Variants in SEC23A observed in about 807,000 individuals in gnomAD.
SEC23A encodes the protein SEC23 homolog A, COPII component.
A neutral mutation model predicts 103.7 loss-of-function variants in SEC23A; 56 were observed. The ratio of observed to expected loss-of-function variants is 0.54; its 90% CI spans 0.44 to 0.67. The LOEUF (loss-of-function observed/expected upper bound fraction) is 0.67. Among genes scored for constraint, SEC23A ranks in the 30% least tolerant of loss-of-function variants. The probability of loss-of-function intolerance (pLI) is 0.00; values close to 1 mark genes in which losing one functional copy is unlikely to be tolerated. For synonymous variants in SEC23A, 281 were observed against 293.0 expected (o/e 0.96, Z 0.42); for missense variants, 784 against 936.4 (o/e 0.84, Z 2.12).
chr14:39,079,268 C>T (rs1472135456), intron 7 of SEC23A, among the ~76,000 whole-genome samples: 4 of 151,642 alleles, frequency 2.6e-5, no homozygotes, highest in African/African-American at 4.8e-5. Flanking sequence ...AGAGCAACTG[C>T]GTATGATCCA....
intron 9 of SEC23A, among the ~76,000 whole-genome samples, chr14:39,073,760 C>G (rs796169191): frequency 1.8e-4 from 28 of 151,626 alleles, no homozygotes; most frequent in African/African-American, 6.5e-4. Flanking sequence ...CAGGTGCCTG[C>G]CACCACGCCC....
chr14:39,042,667 T>C (rs917709158), intron 17 of SEC23A, 119 bp downstream of exon 17: 20 of 683,322 alleles, frequency 2.9e-5, no homozygotes, highest in Non-Finnish European at 4.4e-5. Context: ...TATTATTTTA[T>C]AAAAATGGAA....
chr14:39,033,876 C>CA (rs1350241269), intron 19 of SEC23A, among the ~76,000 whole-genome samples: 1 of 152,060 alleles, frequency 6.6e-6, no homozygotes, highest in African/African-American at 2.4e-5. Flanking sequence ...AATCCATTAA[C>CA]AATGAAATTT....
In SEC23A at chr14:39,089,209, G is replaced by T. The variant is rs1421415127; in HGVS notation, c.604-2201C>A. On this transcript the variant is annotated intron_variant, in intron 5 of 19. Coordinates refer to ENST00000307712, the MANE Select transcript of SEC23A (RefSeq NM_006364.4). ...AAAAAAAAAGGAAGATGTTTTATGTGCTTCATATGCATTATATAAGTAAAA... is the reference window on the plus strand; with the variant it reads ...AAAAAAAAAGGAAGATGTTTTATGTTCTTCATATGCATTATATAAGTAAAA... Among the ~76,000 whole-genome samples, 5 of 151,010 alleles carry T rather than the reference G, an allele frequency of 3.3e-5. No homozygotes were observed. The East Asian group carries it at 9.7e-4, about 29-fold the overall frequency.
intron 17 of SEC23A, among the ~76,000 whole-genome samples, chr14:39,041,907 A>T (rs895997995): frequency 1.3e-5 from 2 of 151,190 alleles, no homozygotes; most frequent in African/African-American, 4.8e-5. Flanking sequence ...GTACTACTTC[A>T]AAGAATATTT....
At position 39,077,699 on chromosome 14, in the gene SEC23A, T is replaced by G. The variant is rs150150481; in HGVS notation, c.829-1606A>C. On this transcript the variant is annotated intron_variant, in intron 7 of 19. Coordinates refer to ENST00000307712, the MANE Select transcript of SEC23A (RefSeq NM_006364.4). ...TCAATGAAATAAGAGAAAAGTTGTTTTAGGTGGATCACTTGAGGCCAGGAG... is the reference window on the plus strand; with the variant it reads ...TCAATGAAATAAGAGAAAAGTTGTTGTAGGTGGATCACTTGAGGCCAGGAG... 2.0e-5 allele frequency among the ~76,000 whole-genome samples: 3 copies of G among 152,092 alleles called. No individual in the cohort carries two copies. In the East Asian group the frequency reaches 5.8e-4, roughly 30 times the overall value.
At chr14:39,048,285 A>C (rs144082543) in intron 15 of SEC23A, among the ~76,000 whole-genome samples, 130 of 152,356 alleles carry the variant, frequency 8.5e-4, no homozygotes, top group African/African-American at 2.9e-3. Context: ...TAAAAAGAGC[A>C]ATAAAAAAGG....
intron 12 of SEC23A, among the ~76,000 whole-genome samples, chr14:39,063,023 A>G (rs972147821): frequency 6.6e-6 from 1 of 152,212 alleles, no homozygotes; most frequent in Non-Finnish European, 1.5e-5. Flanking sequence ...GGAATTTTAA[A>G]TAACTGCATT....
At chr14:39,071,609 A>G (rs57482489) in intron 9 of SEC23A, among the ~76,000 whole-genome samples, 14,909 of 152,240 alleles carry the variant, frequency 0.098, 947 homozygotes, top group East Asian at 0.31. Context: ...TCAGGCCTGT[A>G]ATCCTAGCAC....
chr14:39,042,681 A>C (rs1885686581), intron 17 of SEC23A, 105 bp downstream of exon 17: 1 of 744,582 alleles, frequency 1.3e-6, no homozygotes, highest in African/African-American at 1.8e-5. Flanking sequence ...AATGGAAATC[A>C]AAGTTTATCA....
In SEC23A at chr14:39,075,999, GTCT is replaced by G; in HGVS notation, c.920_922del (p.Lys307del). 6.2e-7 allele frequency: 1 copy of G among 1,613,758 alleles called. No homozygotes were observed. Among genetic ancestry groups the G allele is most frequent in the Non-Finnish European group, 8.5e-7 (1 of 1,179,894 alleles). Reference sequence around the variant, plus strand: ...AATGTCATGCCACGATCTTATAGGTGTCTTCAACTCATCTCCAACCACCATTCC... The same window carrying G: ...AATGTCATGCCACGATCTTATAGGTGTCAACTCATCTCCAACCACCATTCC... On this transcript the variant is annotated inframe_deletion, in exon 8 of 20. Coordinates refer to ENST00000307712, the MANE Select transcript of SEC23A (RefSeq NM_006364.4).
chr14:39,094,346 G>A (rs12883603), intron 2 of SEC23A, among the ~76,000 whole-genome samples: 4 of 33,878 alleles, frequency 1.2e-4, no homozygotes, highest in Admixed American at 4.0e-4. Context: ...ACATATATAT[G>A]CATATATACA....
In SEC23A at chr14:39,092,939, C is replaced by G. The variant is rs542421503; in HGVS notation, c.279+248G>C. 86 of 481,918 alleles carry G rather than the reference C, an allele frequency of 1.8e-4. No individual in the cohort carries two copies. The East Asian group carries it at 3.4e-3, about 19-fold the overall frequency. 29.9% of individuals were successfully genotyped at this position (481,918 alleles called of 1,614,324 possible). A position where few individuals can be genotyped will look rare whatever the true frequency, so the allele number is the denominator to read the frequency against. ...AGTAGAGTGGTGCAATCTCGGCTCA[C>G]TGCAAGCTCCACCTCCCGGGTTCAT... On this transcript the variant is annotated intron_variant, in intron 3 of 19. Transcript: ENST00000307712.
chr14:39,043,690 T>C (rs1413906213), intron 16 of SEC23A, among the ~76,000 whole-genome samples: 6 of 152,122 alleles, frequency 3.9e-5, no homozygotes, highest in African/African-American at 1.4e-4. Flanking sequence ...AGGGAAAAGC[T>C]AGCAAAAGAC....
chr14:39,066,084 G>A (rs1289875221), intron 10 of SEC23A, among the ~76,000 whole-genome samples: 6 of 143,138 alleles, frequency 4.2e-5, no homozygotes, highest in Non-Finnish European at 9.0e-5. Flanking sequence ...TCCTATATAT[G>A]TTCATTTTTC....
chr14:39,093,250 T>A lies in SEC23A; in HGVS notation c.222-6A>T, dbSNP rs1352277459. On this transcript the variant is annotated splice_polypyrimidine_tract_variant and splice_region_variant and intron_variant, in intron 2 of 19. Coordinates refer to ENST00000307712, the MANE Select transcript of SEC23A (RefSeq NM_006364.4). ...TTGCTCGATAATCCACTTGACTGTT[T>A]TAAAAAAAAAGAAAAGACATATCAG... 6.2e-7 allele frequency: 1 copy of A among 1,606,672 alleles called. No individual in the cohort carries two copies. The highest frequency in any genetic ancestry group is 8.5e-7 in the Non-Finnish European group (1 of 1,178,448).
intron 7 of SEC23A, 36 bp from the exon 8 acceptor site, chr14:39,076,129 A>C (rs1398873438): frequency 2.1e-6 from 3 of 1,436,116 alleles, no homozygotes; most frequent in Non-Finnish European, 1.9e-6. Context: ...AAAAGAAAAC[A>C]TATGAATATA....
chr14:39,097,304 C>G (rs570322099), intron 1 of SEC23A, among the ~76,000 whole-genome samples: 119 of 152,202 alleles, frequency 7.8e-4, no homozygotes, highest in African/African-American at 2.7e-3. Flanking sequence ...TGGAAGGAAG[C>G]TGAAGAATTT....
chr14:39,039,233 G>C, intron 18 of SEC23A, 137 bp from the exon 19 acceptor site: 1 of 735,556 alleles, frequency 1.4e-6, no homozygotes, highest in Non-Finnish European at 2.3e-6. Flanking sequence ...ATTTTTAAAA[G>C]ATTAAACTTT....
Sources: gnomAD v4.1 joint callset for allele counts (sites outside exome capture counted in the v4.1 genomes callset) on GRCh38, gnomAD v4.1.1 for gene constraint, MANE v1.5 for transcripts, NCBI Gene and HGNC (gene_info 2026-07-23, HGNC 2026-07-21) for gene names.